The following SNX32 variants were observed in gnomAD, a reference collection of about 807,000 sequenced individuals.
SNX32 encodes the protein sorting nexin-32.
In SNX32, 58 loss-of-function variants were observed where a neutral mutation model predicts 57.0. The observed-to-expected ratio is 1.02, with a 90% CI of 0.82 to 1.27. The LOEUF (loss-of-function observed/expected upper bound fraction) is 1.27, where lower values mean the gene tolerates loss of function less well. Ranked by LOEUF, SNX32 falls within the 50% of genes most tolerant of loss-of-function variation. SNX32 has a pLI of 0.00. For missense variants in SNX32, 589 were observed against 541.2 expected, an observed-to-expected ratio of 1.09 and a Z score of -0.88; for synonymous variants, 262 against 220.4, an observed-to-expected ratio of 1.19 and a Z score of -1.67.
intron 1 of SNX32, 123 bp downstream of exon 1, chr11:65,834,224 GTGTGTCTGTGTGTGTATAGTCTGCA>G (rs1460648348): frequency 2.0e-6 from 2 of 1,005,390 alleles, no homozygotes; most frequent in African/African-American, 1.6e-5. Context: ...GTGTTTCTGT[GTGTGTCTGTGTGTGTATAGTCTGCA>G]TGTGTCTGTT....
At position 65,850,864 on chromosome 11, in the gene SNX32, T is replaced by C; in HGVS notation, c.603+9T>C. ...GCATGTCAGGGCTCAAGGTAACCCCTGGTGCTCCTCTCCGGATTCAACCCA... is the reference window on the plus strand; with the variant it reads ...GCATGTCAGGGCTCAAGGTAACCCCCGGTGCTCCTCTCCGGATTCAACCCA... On this transcript the variant is annotated intron_variant, in intron 6 of 12. Transcript: ENST00000308342. The C allele has an allele frequency of 1.2e-6, 2 of 1,610,484 alleles. No individual in the cohort carries two copies. The highest frequency in any genetic ancestry group is 8.5e-7 in the Non-Finnish European group (1 of 1,177,346).
Position 65,852,933 on chromosome 11 carries a change from C to T in SNX32, c.1133C>T (p.Ala378Val). The T allele has an allele frequency of 6.2e-7, 1 of 1,614,164 alleles. No homozygotes were observed. The highest frequency in any genetic ancestry group is 8.5e-7 in the Non-Finnish European group (1 of 1,179,996). The change falls in exon 12 of 13, where the codon GCA becomes GTA. Residue 378 changes from alanine (A) to valine (V), a missense_variant. Physicochemically the swap from Ala to Val is moderately conservative, Grantham distance 64 (BLOSUM62 0). Coordinates refer to ENST00000308342, the MANE Select transcript of SNX32 (RefSeq NM_152760.3). Reference protein sequence around the residue: ...SSFRKNLIELAELELKHAKAS... With the variant: ...SSFRKNLIELVELELKHAKAS... Reference sequence around the variant, plus strand: ...TTTCGAAAGAATCTCATTGAGCTGGCAGAGCTGGAGCTCAAACACGCCAAG... The same window carrying T: ...TTTCGAAAGAATCTCATTGAGCTGGTAGAGCTGGAGCTCAAACACGCCAAG...
chr11:65,852,706 G>C lies in SNX32; in HGVS notation c.989G>C (p.Arg330Thr), dbSNP rs1192609357. 6.3e-7 allele frequency: 1 copy of C among 1,598,742 alleles called. No homozygotes were observed. The highest frequency in any genetic ancestry group is 8.5e-7 in the Non-Finnish European group (1 of 1,176,328). The change falls in exon 11 of 13, where the codon AGG becomes ACG. Residue 330 changes from arginine to threonine, a missense_variant. Physicochemically the swap from Arg to Thr is moderately conservative, Grantham distance 71 (BLOSUM62 -1). Coordinates refer to ENST00000308342, the MANE Select transcript of SNX32 (RefSeq NM_152760.3). ...AAGGCGCTGGACAAGGCGCGCACCA[G>C]GAACCGGGAGGTGCGGCCCGCCGAG... is the stretch of plus-strand genomic sequence containing the variant. ...ANKALDKART[R>T]NREVRPAESH... is the part of the protein sequence containing the mutation.
intron 1 of SNX32, among the ~76,000 whole-genome samples, 194 bp from the exon 2 acceptor site, chr11:65,849,284 A>G (rs1449254327): frequency 6.6e-6 from 1 of 152,154 alleles, no homozygotes; most frequent in Non-Finnish European, 1.5e-5. Flanking sequence ...GCCTCCAAGG[A>G]TGGGAGGGTT....
At chr11:65,844,708 T>G (rs894759866) in intron 1 of SNX32, among the ~76,000 whole-genome samples, 4 of 152,214 alleles carry the variant, frequency 2.6e-5, no homozygotes, top group African/African-American at 9.7e-5. Flanking sequence ...GGCTCACATC[T>G]GTAATCCTAG....
chr11:65,849,633 G>A (rs888921689), intron 2 of SNX32, 51 bp downstream of exon 2: 3 of 1,377,412 alleles, frequency 2.2e-6, no homozygotes, highest in Non-Finnish European at 2.9e-6. Context: ...CCCGCAGGAG[G>A]CCTCCCCCAG....
intron 1 of SNX32, among the ~76,000 whole-genome samples, chr11:65,838,783 C>A (rs1858740610): frequency 6.6e-6 from 1 of 151,750 alleles, no homozygotes; most frequent in Non-Finnish European, 1.5e-5. Flanking sequence ...ATACTCTGAC[C>A]CAGAATTAAT....
At chr11:65,841,753 TAAAATA>T (rs1858849188) in intron 1 of SNX32, among the ~76,000 whole-genome samples, 1 of 150,540 alleles carries the variant, frequency 6.6e-6, no homozygotes, top group Non-Finnish European at 1.5e-5. Flanking sequence ...AAAAATAAAA[TAAAATA>T]AAAATAAAAA....
Position 65,850,449 on chromosome 11 carries a change from TAAG to T in SNX32, c.398_400del (p.Lys133del), listed in dbSNP as rs764095335. ...CTCGCAGGGAGTACCTGGCCATCTT[TAAG>T]AAGACAGTTGCGATGCACGAAGTCT... On this transcript the variant is annotated inframe_deletion, in exon 5 of 13. Transcript: ENST00000308342. 6.2e-6 allele frequency: 10 copies of T among 1,614,046 alleles called. No homozygotes were observed. Among genetic ancestry groups the T allele is most frequent in the East Asian group, 2.2e-5 (1 of 44,880 alleles).
chr11:65,853,036 T>C, intron 12 of SNX32, 78 bp downstream of exon 12: 2 of 1,491,924 alleles, frequency 1.3e-6, no homozygotes, highest in Non-Finnish European at 1.9e-6. Context: ...CACCAGGGTG[T>C]GCGTGCATGT....
At chr11:65,834,131 G>A (rs374503123) in intron 1 of SNX32, 30 bp downstream of exon 1, 4 of 1,549,362 alleles carry the variant, frequency 2.6e-6, no homozygotes, top group Non-Finnish European at 3.5e-6. Flanking sequence ...CCCCACCCCA[G>A]CCTCCCCTCA....
chr11:65,839,181 T>C (rs1267625128), intron 1 of SNX32, among the ~76,000 whole-genome samples: 2 of 146,544 alleles, frequency 1.4e-5, no homozygotes, highest in Non-Finnish European at 3.0e-5. Context: ...CCCGAGTAGC[T>C]GGGACTACAG....
Position 65,850,735 on chromosome 11 carries a change from T to A in SNX32, c.499-16T>A, listed in dbSNP as rs929691802. 1 of 1,611,844 alleles carries A rather than the reference T, an allele frequency of 6.2e-7. No individual in the cohort carries two copies. The highest frequency in any genetic ancestry group is 8.5e-7 in the Non-Finnish European group (1 of 1,178,276). ...GAACGCCCACCCCAGCATCATACCCTCCCTGTGTGCCTCAGCTGAGTGTCC... is the reference window on the plus strand; with the variant it reads ...GAACGCCCACCCCAGCATCATACCCACCCTGTGTGCCTCAGCTGAGTGTCC... On this transcript the variant is annotated splice_polypyrimidine_tract_variant and intron_variant, in intron 5 of 12. Coordinates refer to ENST00000308342, the MANE Select transcript of SNX32 (RefSeq NM_152760.3).
Position 65,853,419 on chromosome 11 carries a change from C to G in SNX32, c.*84C>G. 7.1e-7 allele frequency: 1 copy of G among 1,411,164 alleles called. No homozygotes were observed. Among genetic ancestry groups the G allele is most frequent in the Non-Finnish European group, 1.0e-6 (1 of 1,000,568 alleles). The allele number at this position is 1,411,164 out of a possible 1,614,324, so 87.4% of individuals were successfully genotyped here. A position where few individuals can be genotyped will look rare whatever the true frequency, so the allele number is the denominator to read the frequency against. ...ACCCCTCTCTCCGGCAAGATGTCTC[C>G]TTCCCTAGCAGTGCCACTAGCCACA... is the stretch of plus-strand genomic sequence containing the variant. On this transcript the variant is annotated 3_prime_UTR_variant, in exon 13 of 13. Transcript: ENST00000308342.
intron 1 of SNX32, among the ~76,000 whole-genome samples, chr11:65,848,871 G>A (rs1212194610): frequency 1.3e-5 from 2 of 152,128 alleles, no homozygotes; most frequent in Admixed American, 6.5e-5. Context: ...TGCTGGGCAC[G>A]GTGGCTCATG....
chr11:65,850,391 G>A, intron 4 of SNX32, 40 bp from the exon 5 acceptor site: 2 of 1,612,870 alleles, frequency 1.2e-6, no homozygotes, highest in Non-Finnish European at 1.7e-6. Context: ...CAGGATGATG[G>A]GGGCTGAGGA....
Position 65,853,286 on chromosome 11 carries a change from G to A in SNX32, c.1163G>A (p.Ser388Asn), listed in dbSNP as rs1402277167. 6.2e-7 allele frequency: 1 copy of A among 1,614,100 alleles called. No individual in the cohort carries two copies. The highest frequency in any genetic ancestry group is 1.7e-5 in the Admixed American group (1 of 60,018). ...GGACCTGTTTCTCCTCTGCAGGCCA[G>A]CACCCTGATTCTCCGGAACACCCTT... ...AELELKHAKASTLILRNTLVA... is the reference protein window; with the variant it reads ...AELELKHAKANTLILRNTLVA... The change falls in exon 13 of 13, where the codon AGC becomes AAC. Residue 388 changes from serine (S) to asparagine (N), a missense_variant. Transcript: ENST00000308342.
chr11:65,852,959 G>A lies in SNX32; in HGVS notation c.1158+1G>A, dbSNP rs148372152. Reference sequence around the variant, plus strand: ...AGAGCTGGAGCTCAAACACGCCAAGGTGAGCCCTCCCACCTCACTGGGCCC... The same window carrying A: ...AGAGCTGGAGCTCAAACACGCCAAGATGAGCCCTCCCACCTCACTGGGCCC... On this transcript the variant is annotated splice_donor_variant, in intron 12 of 12. Coordinates refer to ENST00000308342, the MANE Select transcript of SNX32 (RefSeq NM_152760.3). LOFTEE classifies it high-confidence loss of function. 6.2e-7 allele frequency: 1 copy of A among 1,613,912 alleles called. No individual in the cohort carries two copies. Among genetic ancestry groups the A allele is most frequent in the African/African-American group, 1.3e-5 (1 of 74,888 alleles).
At chr11:65,839,484 C>T (rs1326753387) in intron 1 of SNX32, among the ~76,000 whole-genome samples, 18 of 147,166 alleles carry the variant, frequency 1.2e-4, no homozygotes, top group African/African-American at 4.7e-4. Flanking sequence ...CCGCCTCGGC[C>T]TCCCAAAGTG....
Sources: gnomAD v4.1 joint callset for allele counts (sites outside exome capture counted in the v4.1 genomes callset) on GRCh38, gnomAD v4.1.1 for gene constraint, MANE v1.5 for transcripts, NCBI Gene and HGNC (gene_info 2026-07-23, HGNC 2026-07-21) for gene names.